The following PTPRD variants were observed in gnomAD, a reference collection of about 807,000 sequenced individuals.
PTPRD encodes the protein protein tyrosine phosphatase receptor type D.
Under a neutral mutation model 214.5 loss-of-function variants are expected in PTPRD, and 34 were observed. The ratio of observed to expected loss-of-function variants is 0.16; its 90% CI spans 0.12 to 0.21. PTPRD has a LOEUF of 0.21. Among genes scored for constraint, PTPRD ranks in the 10% least tolerant of loss-of-function variants. The pLI is 1.00. For missense variants in PTPRD, 2,545 were observed against 2,398.7 expected (o/e 1.06, Z -1.27); for synonymous variants, 1,128 against 845.7 (o/e 1.33, Z -5.79).
At chr9:8,454,797 A>C (rs2096116079) in intron 33 of PTPRD, among the ~76,000 whole-genome samples, 1 of 143,098 alleles carries the variant, frequency 7.0e-6, no homozygotes, top group African/African-American at 2.7e-5. Context: ...ATGAAGTTAC[A>C]TCACTGAATA....
intron 3 of PTPRD, among the ~76,000 whole-genome samples, chr9:10,255,519 T>C (rs1195402305): frequency 1.3e-5 from 2 of 152,204 alleles, no homozygotes; most frequent in Admixed American, 6.5e-5. Context: ...GGACTGGAAG[T>C]TGATCTAGGT....
At chr9:9,245,451 G>C (rs2099972589) in intron 9 of PTPRD, among the ~76,000 whole-genome samples, 1 of 152,218 alleles carries the variant, frequency 6.6e-6, no homozygotes, top group Middle Eastern at 3.4e-3. Flanking sequence ...AAAAAATGAT[G>C]AGTTCGTGTC....
At chr9:9,467,744 G>C (rs1047284900) in intron 8 of PTPRD, among the ~76,000 whole-genome samples, 7 of 151,830 alleles carry the variant, frequency 4.6e-5, no homozygotes, top group East Asian at 3.9e-4. Context: ...GTTTTAAGTA[G>C]GTATTGACTT....
intron 11 of PTPRD, among the ~76,000 whole-genome samples, chr9:8,760,258 T>TAC (rs141529863): frequency 0.049 from 7,384 of 152,076 alleles, 446 homozygotes; most frequent in African/African-American, 0.14. Context: ...TACACACAGA[T>TAC]ACACACACAC....
At chr9:9,966,765 G>A (rs1174202346) in intron 4 of PTPRD, among the ~76,000 whole-genome samples, 1 of 152,090 alleles carries the variant, frequency 6.6e-6, no homozygotes, top group Non-Finnish European at 1.5e-5. Flanking sequence ...AAGGAGACAG[G>A]AGGAAGATTA....
intron 5 of PTPRD, among the ~76,000 whole-genome samples, chr9:9,795,022 A>G (rs965048964): frequency 6.6e-6 from 1 of 152,214 alleles, no homozygotes; most frequent in African/African-American, 2.4e-5. Context: ...CTTGAGCTTC[A>G]ATGTGCTCAC....
chr9:10,569,057 A>C (rs2066590439), intron 2 of PTPRD, among the ~76,000 whole-genome samples: 1 of 152,172 alleles, frequency 6.6e-6, no homozygotes, highest in South Asian at 2.1e-4. Flanking sequence ...ATCTACCATG[A>C]ACTCAAACAA....
chr9:9,939,756 C>A (rs904219866), intron 4 of PTPRD, among the ~76,000 whole-genome samples: 4 of 152,036 alleles, frequency 2.6e-5, no homozygotes, highest in African/African-American at 9.7e-5. Context: ...TCTCATCTTG[C>A]TAATACTCAT....
At chr9:8,930,068 G>C (rs577459032) in intron 11 of PTPRD, among the ~76,000 whole-genome samples, 1 of 151,420 alleles carries the variant, frequency 6.6e-6, no homozygotes, top group East Asian at 1.9e-4. Flanking sequence ...CCATTAACTC[G>C]TCATTTACAT....
chr9:9,928,859 C>G (rs188132092), intron 5 of PTPRD, among the ~76,000 whole-genome samples: 5 of 151,704 alleles, frequency 3.3e-5, no homozygotes, highest in African/African-American at 1.2e-4. Flanking sequence ...CTTTGGTAAG[C>G]TATTATTTCA....
chr9:9,170,392 G>C (rs1249533967), intron 10 of PTPRD, among the ~76,000 whole-genome samples: 2 of 152,138 alleles, frequency 1.3e-5, no homozygotes, highest in Non-Finnish European at 2.9e-5. Flanking sequence ...AAATAGATTG[G>C]GTGGTTTGAT....
intron 32 of PTPRD, among the ~76,000 whole-genome samples, chr9:8,463,831 G>A (rs1161659977): frequency 6.6e-6 from 1 of 151,754 alleles, no homozygotes; most frequent in African/African-American, 2.4e-5. Context: ...TTGGAACATT[G>A]TTATAAACTG....
intron 12 of PTPRD, among the ~76,000 whole-genome samples, chr9:8,640,175 C>T (rs1002859362): frequency 2.0e-5 from 3 of 152,056 alleles, no homozygotes; most frequent in South Asian, 2.1e-4. Context: ...AGGATCCTCC[C>T]GCCTCAGCCT....
At chr9:8,322,664 A>C (rs1829601855) in intron 44 of PTPRD, among the ~76,000 whole-genome samples, 1 of 152,218 alleles carries the variant, frequency 6.6e-6, no homozygotes, top group African/African-American at 2.4e-5. Flanking sequence ...TGAAGCAATA[A>C]GTGCTGTTAC....
chr9:10,517,670 G>C (rs544164687), intron 2 of PTPRD, among the ~76,000 whole-genome samples: 1 of 152,082 alleles, frequency 6.6e-6, no homozygotes, highest in South Asian at 2.1e-4. Context: ...ATACATTTAT[G>C]TAACACCTCT....
At chr9:8,486,460 C>A in intron 27 of PTPRD, 111 bp from the exon 28 acceptor site, 1 of 893,656 alleles carries the variant, frequency 1.1e-6, no homozygotes. Flanking sequence ...TCTTACTTAC[C>A]AAAACAAAAC....
intron 3 of PTPRD, among the ~76,000 whole-genome samples, chr9:10,093,727 T>C (rs1460818599): frequency 6.6e-6 from 1 of 151,312 alleles, no homozygotes; most frequent in African/African-American, 2.4e-5. Context: ...ATAAACAAAA[T>C]TTGATACATC....
At chr9:8,621,568 C>G (rs10511505) in intron 14 of PTPRD, among the ~76,000 whole-genome samples, 16,281 of 151,756 alleles carry the variant, frequency 0.11, 1,098 homozygotes, top group South Asian at 0.2. Context: ...TGAGAATAAT[C>G]ATTTAAGTCA....
At chr9:8,837,303 C>T (rs1187093212) in intron 11 of PTPRD, among the ~76,000 whole-genome samples, 1 of 152,092 alleles carries the variant, frequency 6.6e-6, no homozygotes, top group Non-Finnish European at 1.5e-5. Context: ...GCGTGAGCCA[C>T]TGCGCCTGAC....
Sources: allele counts gnomAD v4.1 joint callset (sites outside exome capture counted in the v4.1 genomes callset), GRCh38; gene constraint gnomAD v4.1.1; transcripts MANE v1.5; gene names NCBI Gene and HGNC (gene_info 2026-07-23, HGNC 2026-07-21).